SLC9A9: variants seen among roughly 807,000 people sequenced by gnomAD.
SLC9A9 encodes the protein sodium/hydrogen exchanger 9.
SLC9A9 carries 62 observed loss-of-function variants against 77.8 expected under a neutral mutation model. The ratio of observed to expected loss-of-function variants is 0.80; its 90% CI spans 0.65 to 0.98. The LOEUF is 0.98. Ranked by LOEUF, SLC9A9 falls within the 50% of genes least tolerant of loss-of-function variation. The pLI is 0.00. For missense variants in SLC9A9, 775 were observed against 774.9 expected (o/e 1.00, Z 0.00); for synonymous variants, 320 against 283.5 (o/e 1.13, Z -1.29).
At chr3:143,755,313 G>T (rs1371413180) in intron 4 of SLC9A9, among the ~76,000 whole-genome samples, 1 of 152,116 alleles carries the variant, frequency 6.6e-6, no homozygotes, top group East Asian at 1.9e-4. Flanking sequence ...ATCTACACTG[G>T]TACACACATC....
intron 5 of SLC9A9, among the ~76,000 whole-genome samples, chr3:143,658,817 T>C (rs2038936404): frequency 6.6e-6 from 1 of 152,184 alleles, no homozygotes; most frequent in African/African-American, 2.4e-5. Context: ...GTAGGATATA[T>C]TAAGACTGGA....
chr3:143,287,348 A>C (rs1256752199), intron 14 of SLC9A9, among the ~76,000 whole-genome samples: 1 of 152,228 alleles, frequency 6.6e-6, no homozygotes, highest in Non-Finnish European at 1.5e-5. Flanking sequence ...GATGACTCGA[A>C]ATAGTCTATT....
intron 6 of SLC9A9, among the ~76,000 whole-genome samples, chr3:143,580,294 T>C (rs2037430920): frequency 6.6e-6 from 1 of 152,234 alleles, no homozygotes; most frequent in South Asian, 2.1e-4. Flanking sequence ...TCCATTTGCA[T>C]TCTGCCCTTC....
intron 12 of SLC9A9, among the ~76,000 whole-genome samples, chr3:143,422,942 T>C (rs2108528918): frequency 6.6e-6 from 1 of 152,250 alleles, no homozygotes; most frequent in East Asian, 1.9e-4. Flanking sequence ...TTGTTTAAGG[T>C]CATAGACATA....
intron 14 of SLC9A9, among the ~76,000 whole-genome samples, chr3:143,316,001 C>T (rs1394746471): frequency 1.3e-5 from 2 of 152,196 alleles, no homozygotes; most frequent in Non-Finnish European, 2.9e-5. Context: ...CCCAAAGTTA[C>T]ATCTATAAGG....
rs542901165 is a variant in SLC9A9 at position 143,317,875 on chromosome 3, C to G, written c.1604+45609G>C. 5.2e-4 allele frequency among the ~76,000 whole-genome samples: 79 copies of G among 152,238 alleles called. 2 individuals carry two copies. Among genetic ancestry groups the G allele is most frequent in the Admixed American group, 1.8e-3 (27 of 15,292 alleles). ...CCCGAGTAGCTGAGACTACAGGCAC[C>G]CGCCACCACGCCTGGCTAATTTTTT... On this transcript the variant is annotated intron_variant, in intron 14 of 15. Transcript: ENST00000316549.
chr3:143,372,491 A>T (rs903001188), intron 13 of SLC9A9, among the ~76,000 whole-genome samples: 2 of 152,214 alleles, frequency 1.3e-5, no homozygotes, highest in Non-Finnish European at 2.9e-5. Flanking sequence ...AAAGACATAA[A>T]TCTAAGACCT....
intron 14 of SLC9A9, chr3:143,313,073 T>C (rs565815192): frequency 1.3e-5 from 2 of 152,310 alleles, no homozygotes; most frequent in East Asian, 3.9e-4. Flanking sequence ...AAAGTACCTA[T>C]AATTAATTTA....
chr3:143,819,965 G>A (rs1023900112), intron 2 of SLC9A9, among the ~76,000 whole-genome samples: 2 of 152,140 alleles, frequency 1.3e-5, no homozygotes, highest in African/African-American at 4.8e-5. Flanking sequence ...AATAGCCAAG[G>A]CCTCGACTCA....
chr3:143,300,614 C>G (rs1319648099), intron 14 of SLC9A9, among the ~76,000 whole-genome samples: 3 of 152,194 alleles, frequency 2.0e-5, no homozygotes, highest in Admixed American at 2.0e-4. Context: ...TGCTCCTGAT[C>G]CACAGAGCTA....
intron 2 of SLC9A9, among the ~76,000 whole-genome samples, chr3:143,806,545 G>A (rs1008032729): frequency 6.6e-6 from 1 of 152,050 alleles, no homozygotes; most frequent in African/African-American, 2.4e-5. Flanking sequence ...AGAGTCAAAT[G>A]TATTAAAATG....
At chr3:143,394,438 T>C (rs2033648357) in intron 12 of SLC9A9, among the ~76,000 whole-genome samples, 1 of 152,180 alleles carries the variant, frequency 6.6e-6, no homozygotes, top group Non-Finnish European at 1.5e-5. Context: ...AATTAGGTAT[T>C]GATGGGATGT....
chr3:143,415,015 T>G (rs2108522832), intron 12 of SLC9A9, among the ~76,000 whole-genome samples: 1 of 152,316 alleles, frequency 6.6e-6, no homozygotes, highest in East Asian at 1.9e-4. Context: ...GCAGGAAGTT[T>G]TAGCCATCTG....
chr3:143,363,967 C>T (rs2108484558), intron 13 of SLC9A9, among the ~76,000 whole-genome samples: 1 of 152,118 alleles, frequency 6.6e-6, no homozygotes, highest in Admixed American at 6.5e-5. Context: ...AAGTGTTATG[C>T]TATATTTTAT....
rs78521238 is a variant in SLC9A9 at position 143,673,323 on chromosome 3, G to A, written c.649+19869C>T. Among the ~76,000 whole-genome samples, 343 of 152,300 alleles carry A rather than the reference G, an allele frequency of 2.3e-3. 3 individuals are homozygous for A. Among genetic ancestry groups the A allele is most frequent in the African/African-American group, 8.1e-3 (338 of 41,576 alleles). On this transcript the variant is annotated intron_variant, in intron 5 of 15. Transcript: ENST00000316549. ...CCCTGCAGGATGAGAAGCTGGACGA[G>A]AAGGCATATTCTGTGTCCATGCACT...
At chr3:143,370,834 T>C (rs1325543851) in intron 13 of SLC9A9, among the ~76,000 whole-genome samples, 1 of 152,056 alleles carries the variant, frequency 6.6e-6, no homozygotes, top group Non-Finnish European at 1.5e-5. Flanking sequence ...ATCATAAACA[T>C]ATGATAGGAT....
chr3:143,597,417 T>C (rs1211414364), intron 6 of SLC9A9, among the ~76,000 whole-genome samples: 1 of 152,108 alleles, frequency 6.6e-6, no homozygotes, highest in Non-Finnish European at 1.5e-5. Context: ...TTGTTTGTGC[T>C]CAAAGAGAGA....
intron 1 of SLC9A9, among the ~76,000 whole-genome samples, chr3:143,844,125 G>A (rs1304244407): frequency 6.6e-6 from 1 of 152,064 alleles, no homozygotes; most frequent in East Asian, 1.9e-4. Flanking sequence ...ATCTCTGATT[G>A]ACACAGAGTC....
intron 4 of SLC9A9, among the ~76,000 whole-genome samples, chr3:143,755,136 G>A (rs948706121): frequency 2.6e-5 from 4 of 152,132 alleles, no homozygotes; most frequent in African/African-American, 9.7e-5. Flanking sequence ...AACTTGCTAG[G>A]AAATAGGTGT....
Sources: gnomAD v4.1 joint callset for allele counts (sites outside exome capture counted in the v4.1 genomes callset) on GRCh38, gnomAD v4.1.1 for gene constraint, MANE v1.5 for transcripts, NCBI Gene and HGNC (gene_info 2026-07-23, HGNC 2026-07-21) for gene names.